The following EPG5 variants were observed in gnomAD, a reference collection of about 807,000 sequenced individuals.
EPG5 encodes ectopic P granules protein 5 homolog.
A neutral mutation model predicts 302.7 loss-of-function variants in EPG5; 159 were observed. That is an observed-to-expected ratio of 0.53 (90% CI 0.46 to 0.60). EPG5 has a LOEUF of 0.60. EPG5 is among the 20% of genes least tolerant of loss of function. EPG5 has a pLI of 0.00. For missense variants in EPG5, 2,896 were observed against 3,092.4 expected (o/e 0.94, Z 1.51); for synonymous variants, 1,158 against 1,136.8 (o/e 1.02, Z -0.37).
chr18:45,954,776 G>A lies in EPG5; in HGVS notation c.626C>T (p.Thr209Ile), dbSNP rs749934166. The A allele has an allele frequency of 1.2e-6, 2 of 1,613,924 alleles. No homozygotes were observed. Among genetic ancestry groups the A allele is most frequent in the Non-Finnish European group, 1.7e-6 (2 of 1,179,938 alleles). ...GGGATACAGTTTCTTCACTCTAGGTGTCTGAAAACCATGTTTGGCTGGGCA... is the reference window on the plus strand; with the variant it reads ...GGGATACAGTTTCTTCACTCTAGGTATCTGAAAACCATGTTTGGCTGGGCA... ...SSCPAKHGFQ[T>I]PRVKKLYPQL... Residue 209 changes from threonine to isoleucine, a missense_variant, in exon 2 of 44, where the codon ACA (threonine) becomes ATA (isoleucine). Physicochemically the swap from Thr to Ile is moderately conservative, Grantham distance 89. Transcript: ENST00000282041.
intron 28 of EPG5, 151 bp downstream of exon 28, chr18:45,889,647 G>T: frequency 1.9e-6 from 1 of 517,046 alleles, no homozygotes; most frequent in Non-Finnish European, 3.2e-6. Context: ...ATAAGTAGCA[G>T]GCCAGATTTG....
rs1365692737 is a variant in EPG5 at position 45,884,753 on chromosome 18, T to C, written c.5168A>G (p.Asn1723Ser). The change falls in exon 30 of 44, where the codon AAC (asparagine) becomes AGC (serine). Residue 1723 changes from asparagine (N) to serine (S), a missense_variant. This residue lies in a region of EPG5 where 790 missense variants were observed against 798.0 expected (regional missense o/e 0.99). Transcript: ENST00000282041. ...CRKVLETILK[N>S]SRLCSLLSPF... The stretch of plus-strand genomic sequence containing the variant: ...AGACAGCAGGGAGCAGAGCCTGCTG[T>C]TCTTCAGAATGGTTTCAAGTACTTT... 2.5e-6 allele frequency: 4 copies of C among 1,597,770 alleles called. No homozygotes were observed. The highest frequency in any genetic ancestry group is 3.4e-6 in the Non-Finnish European group (4 of 1,174,866).
the EPG5 span, chr18:45,837,017 G>T: frequency 0.038 from 49,923 of 1,322,834 alleles, 1,123 homozygotes; most frequent in Non-Finnish European, 0.044. Context: ...GGTTAACTGT[G>T]TTTATCTGTA....
chr18:45,827,795 G>A, the EPG5 span, among the ~76,000 whole-genome samples: 1 of 152,188 alleles, frequency 6.6e-6, no homozygotes, highest in Non-Finnish European at 1.5e-5. Context: ...TAGGTTTAGG[G>A]TGATTTCTTT....
intron 22 of EPG5, among the ~76,000 whole-genome samples, chr18:45,911,683 CT>C (rs1015013867): frequency 1.3e-5 from 2 of 152,136 alleles, no homozygotes; most frequent in Non-Finnish European, 2.9e-5. Context: ...GTGATCCTCC[CT>C]CCTTGGCCTC....
chr18:45,937,102 G>A (rs920008491), intron 10 of EPG5, among the ~76,000 whole-genome samples: 2 of 151,760 alleles, frequency 1.3e-5, no homozygotes, highest in African/African-American at 4.8e-5. Context: ...ACCTGATGCT[G>A]TTTTATACCC....
chr18:45,800,930 G>T, the EPG5 span, among the ~76,000 whole-genome samples: 1 of 152,218 alleles, frequency 6.6e-6, no homozygotes, highest in Non-Finnish European at 1.5e-5. Context: ...GGAAATTCAG[G>T]TGAGCATTTT....
the EPG5 span, chr18:45,838,679 G>T: frequency 6.6e-7 from 1 of 1,516,340 alleles, no homozygotes; most frequent in East Asian, 2.4e-5. Flanking sequence ...CTAAGGGGAG[G>T]GGTGCCCTTG....
intron 16 of EPG5, among the ~76,000 whole-genome samples, chr18:45,921,133 T>C (rs1190517569): frequency 6.6e-6 from 1 of 152,222 alleles, no homozygotes. Flanking sequence ...GTACTGCCGA[T>C]TTATTTATGC....
Position 45,943,199 on chromosome 18 carries a change from G to A in EPG5, c.1905C>T (p.Arg635=). The A allele has an allele frequency of 6.2e-7, 1 of 1,614,104 alleles. No homozygotes were observed. The highest frequency in any genetic ancestry group is 2.2e-5 in the East Asian group (1 of 44,864). The change falls in exon 9 of 44, where the codon CGC becomes CGT. Residue 635 remains arginine, a synonymous_variant. Transcript: ENST00000282041. ...AVGLETFNRA[R]YRQFVKRIGY... is the part of the protein sequence containing the mutation. ...CAATTCGCTTCACAAACTGCCTATA[G>A]CGTGCTCTATTAAAGGTTTCTAACC... is the stretch of plus-strand genomic sequence containing the variant.
At chr18:45,845,939 T>G (rs745932519), downstream of EPG5, among the ~76,000 whole-genome samples, 4 of 152,130 alleles carry the variant, frequency 2.6e-5, no homozygotes, top group Non-Finnish European at 4.4e-5. Context: ...CAGGGGATAA[T>G]CTATGGTGAA....
At chr18:45,961,534 C>T (rs2143890733) in intron 1 of EPG5, among the ~76,000 whole-genome samples, 1 of 152,264 alleles carries the variant, frequency 6.6e-6, no homozygotes, top group South Asian at 2.1e-4. Context: ...TCTCTCTTCC[C>T]TTTCATGTCT....
At chr18:45,859,563 C>T (rs2048588228) in intron 40 of EPG5, among the ~76,000 whole-genome samples, 1 of 152,244 alleles carries the variant, frequency 6.6e-6, no homozygotes, top group Admixed American at 6.5e-5. Context: ...GACTAAGCCG[C>T]TTCCAGAGTC....
the EPG5 span, chr18:45,837,739 C>T: frequency 1.3e-6 from 2 of 1,509,848 alleles, no homozygotes; most frequent in Non-Finnish European, 1.8e-6. Flanking sequence ...TGCACGGCCG[C>T]TTCCGGCTGC....
rs1176498968 is a variant in EPG5, at chr18:45,848,222, A to G, written c.*4245T>C. The G allele has an allele frequency of 1.3e-5, 2 of 152,190 alleles. No individual in the cohort carries two copies. The highest frequency in any genetic ancestry group is 2.1e-4 in the South Asian group (1 of 4,826). The allele number at this position is 152,190 out of a possible 1,614,324, so 9.4% of individuals were successfully genotyped here. ...CAACACACTTATTTCCCAACATTAT[A>G]TTCTCCATTTTGCTTAATAAGACAA... On this transcript the variant is annotated 3_prime_UTR_variant, in exon 44 of 44. Coordinates refer to ENST00000282041, the MANE Select transcript of EPG5 (RefSeq NM_020964.3).
In EPG5 at chr18:45,858,664, G is replaced by T; in HGVS notation, c.7128C>A (p.Tyr2376Ter). ...TGTTTAAACACTGAAGCAAGTAGAC[G>T]TAAAGAGTCAAGTAACTGCCCAAGG... ...CLTLGSYLTL[Y>*]VYLLQCLNSE... The change falls in exon 41 of 44, where the codon TAC becomes TAA. Residue 2376 changes from tyrosine to a stop codon, truncating the protein, a stop_gained. Coordinates refer to ENST00000282041, the MANE Select transcript of EPG5 (RefSeq NM_020964.3). LOFTEE classifies it high-confidence loss of function. 2.5e-6 allele frequency: 4 copies of T among 1,614,110 alleles called. No homozygotes were observed. The highest frequency in any genetic ancestry group is 3.4e-6 in the Non-Finnish European group (4 of 1,179,986).
chr18:45,862,581 G>A (rs1317289102), intron 39 of EPG5, among the ~76,000 whole-genome samples: 5 of 112,806 alleles, frequency 4.4e-5, no homozygotes, highest in East Asian at 5.3e-4. Context: ...CAGAGATGTC[G>A]TAGTTTAAAA....
chr18:45,967,112 C>G lies in EPG5; in HGVS notation c.63+65G>C. On this transcript the variant is annotated intron_variant, in intron 1 of 43. Coordinates refer to ENST00000282041, the MANE Select transcript of EPG5 (RefSeq NM_020964.3). ...CGGGAGTAGAATTGGCTGGGGAGGCCGAAGAGAGGAGCAAGGAGACACAGC... is the reference window on the plus strand; with the variant it reads ...CGGGAGTAGAATTGGCTGGGGAGGCGGAAGAGAGGAGCAAGGAGACACAGC... 5.4e-6 allele frequency: 8 copies of G among 1,492,886 alleles called. No homozygotes were observed. In the South Asian group the frequency reaches 8.8e-5, roughly 16 times the overall value. 92.5% of individuals were successfully genotyped at this position (1,492,886 alleles called of 1,614,324 possible). A position where few individuals can be genotyped will look rare whatever the true frequency, so the allele number is the denominator to read the frequency against.
At chr18:45,877,636 G>A (rs951131944) in intron 34 of EPG5, among the ~76,000 whole-genome samples, 4 of 152,102 alleles carry the variant, frequency 2.6e-5, no homozygotes, top group Non-Finnish European at 5.9e-5. Context: ...TAAGTGGCTC[G>A]TAAAGCATCA....
Sources: allele counts gnomAD v4.1 joint callset (sites outside exome capture counted in the v4.1 genomes callset), GRCh38; gene constraint gnomAD v4.1.1; regional missense constraint gnomAD v4.1.1; transcripts MANE v1.5; gene names NCBI Gene and HGNC (gene_info 2026-07-23, HGNC 2026-07-21).